Variants in PCLO observed in about 807,000 individuals in gnomAD.
PCLO encodes piccolo presynaptic cytomatrix protein.
In PCLO, 82 loss-of-function variants were observed where a neutral mutation model predicts 427.5. That is an observed-to-expected ratio of 0.19 (90% CI 0.16 to 0.23). The LOEUF is 0.23. PCLO is among the 10% of genes least tolerant of loss of function. The probability of loss-of-function intolerance (pLI) is 1.00; values close to 1 mark genes in which losing one functional copy is unlikely to be tolerated. For missense variants in PCLO, 6,239 were observed against 6,115.9 expected (o/e 1.02, Z -0.67); for synonymous variants, 2,357 against 2,155.4 (o/e 1.09, Z -2.59).
chr7:82,871,153 C>T (rs942620241), intron 10 of PCLO, among the ~76,000 whole-genome samples: 1 of 151,968 alleles, frequency 6.6e-6, no homozygotes, highest in Non-Finnish European at 1.5e-5. Context: ...GAGATACCTG[C>T]ACTCCCATGT....
At chr7:82,951,558 T>C in intron 5 of PCLO, 68 bp from the exon 6 acceptor site, 1 of 1,105,928 alleles carries the variant, frequency 9.0e-7, no homozygotes. Flanking sequence ...TTGAAAACCC[T>C]CTCATCTTGA....
intron 7 of PCLO, among the ~76,000 whole-genome samples, chr7:82,912,434 T>C (rs1426343974): frequency 6.6e-6 from 1 of 151,928 alleles, no homozygotes; most frequent in African/African-American, 2.4e-5. Flanking sequence ...CATTTAGAAG[T>C]AATCACTACA....
At chr7:83,045,690 T>C (rs952429515) in intron 3 of PCLO, among the ~76,000 whole-genome samples, 6 of 152,140 alleles carry the variant, frequency 3.9e-5, no homozygotes, top group Non-Finnish European at 7.4e-5. Flanking sequence ...CCGTAGCACA[T>C]AGGCAAATGA....
intron 3 of PCLO, among the ~76,000 whole-genome samples, chr7:83,112,046 T>G (rs6963293): frequency 0.51 from 77,920 of 151,752 alleles, 20,564 homozygotes; most frequent in African/African-American, 0.64. Flanking sequence ...TTTTTTGTTG[T>G]TTTTTGTTTT....
intron 3 of PCLO, among the ~76,000 whole-genome samples, chr7:83,127,422 T>C (rs1791464429): frequency 6.6e-6 from 1 of 152,024 alleles, no homozygotes; most frequent in Non-Finnish European, 1.5e-5. Flanking sequence ...CAAAAATCAT[T>C]AGAAGGTATG....
chr7:82,966,323 T>G lies in PCLO; in HGVS notation c.3465A>C (p.Lys1155Asn). ...SQKTAVPPQV[K>N]LVKKQEQEVK... ...CTTCTTGTTCTTGCTTTTTCACTAATTTTACTTGGGGAGGCACTGCTGTTT... is the reference window on the plus strand; with the variant it reads ...CTTCTTGTTCTTGCTTTTTCACTAAGTTTACTTGGGGAGGCACTGCTGTTT... The change falls in exon 4 of 25, where the codon AAA becomes AAC. Residue 1155 changes from lysine to asparagine, a missense_variant. Physicochemically the swap from Lys to Asn is moderately conservative, Grantham distance 94. Coordinates refer to ENST00000333891, the MANE Select transcript of PCLO (RefSeq NM_033026.6). 1 of 1,613,886 alleles carries G rather than the reference T, an allele frequency of 6.2e-7. No individual in the cohort carries two copies. Among genetic ancestry groups the G allele is most frequent in the Non-Finnish European group, 8.5e-7 (1 of 1,179,858 alleles).
chr7:83,047,685 A>G (rs567557628), intron 3 of PCLO, among the ~76,000 whole-genome samples: 1 of 152,212 alleles, frequency 6.6e-6, no homozygotes, highest in Admixed American at 6.6e-5. Context: ...TATTAAATTC[A>G]TAAACATGAT....
chr7:83,122,384 C>T (rs1350446211), intron 3 of PCLO, among the ~76,000 whole-genome samples: 1 of 150,468 alleles, frequency 6.6e-6, no homozygotes, highest in South Asian at 2.1e-4. Context: ...CTCCCAGGTT[C>T]AAGTGATTCT....
intron 20 of PCLO, 111 bp downstream of exon 20, chr7:82,822,384 G>A: frequency 6.3e-7 from 1 of 1,595,400 alleles, no homozygotes; most frequent in Non-Finnish European, 8.5e-7. Flanking sequence ...CAGAGAACAG[G>A]GTGAGCAGAG....
intron 3 of PCLO, among the ~76,000 whole-genome samples, chr7:83,022,878 G>C (rs760097126): frequency 7.2e-5 from 11 of 152,116 alleles, no homozygotes; most frequent in Non-Finnish European, 1.5e-4. Context: ...TCTTCCCTCA[G>C]AACTTTATGG....
At chr7:83,045,123 C>T (rs1766572905) in intron 3 of PCLO, among the ~76,000 whole-genome samples, 1 of 152,102 alleles carries the variant, frequency 6.6e-6, no homozygotes, top group Admixed American at 6.6e-5. Context: ...TGATGCAATT[C>T]AATTTTAATG....
Position 83,075,996 on chromosome 7 carries a change from A to T in PCLO, c.3300+58254T>A, listed in dbSNP as rs376201084. On this transcript the variant is annotated intron_variant, in intron 3 of 24. Transcript: ENST00000333891. ...GACCATTTTAAATATAATAAACCAT[A>T]ATTTTACTATAAATATTGAGAATGA... 5.3e-5 allele frequency among the ~76,000 whole-genome samples: 8 copies of T among 151,954 alleles called. No individual in the cohort carries two copies. In the East Asian group the frequency reaches 1.5e-3, roughly 29 times the overall value.
chr7:82,886,782 T>C (rs895847484), intron 9 of PCLO, among the ~76,000 whole-genome samples: 4 of 152,200 alleles, frequency 2.6e-5, no homozygotes, highest in Non-Finnish European at 5.9e-5. Context: ...GACAAAAATG[T>C]ATTTCATGGT....
chr7:83,063,474 G>C (rs7806069), intron 3 of PCLO, among the ~76,000 whole-genome samples: 23,151 of 151,938 alleles, frequency 0.15, 2,070 homozygotes, highest in African/African-American at 0.24. Context: ...TTTACTTTTA[G>C]TACAATATTC....
intron 3 of PCLO, among the ~76,000 whole-genome samples, chr7:83,072,364 CTTTT>C (rs575536715): frequency 6.6e-6 from 1 of 152,032 alleles, no homozygotes; most frequent in Non-Finnish European, 1.5e-5. Context: ...TAAAAAAGTC[CTTTT>C]TTATTTAAAA....
At chr7:83,097,798 C>T (rs147378430) in intron 3 of PCLO, among the ~76,000 whole-genome samples, 197 of 151,652 alleles carry the variant, frequency 1.3e-3, no homozygotes, top group African/African-American at 4.5e-3. Context: ...CCACAAAAGT[C>T]CGTGAGCATG....
At chr7:83,081,825 T>A (rs2116400222) in intron 3 of PCLO, among the ~76,000 whole-genome samples, 1 of 151,818 alleles carries the variant, frequency 6.6e-6, no homozygotes, top group African/African-American at 2.4e-5. Flanking sequence ...TTCTATCAAC[T>A]AGATTCAAAG....
At chr7:82,788,216 A>AATAATTATATATAATATATAATTT (rs1458909661) in intron 22 of PCLO, among the ~76,000 whole-genome samples, 6 of 147,620 alleles carry the variant, frequency 4.1e-5, no homozygotes, top group Admixed American at 2.7e-4. Context: ...ATATATAATT[A>AATAATTATATATAATATATAATTT]ATAATTATAT....
At chr7:83,104,265 A>C (rs1790801679) in intron 3 of PCLO, among the ~76,000 whole-genome samples, 1 of 152,082 alleles carries the variant, frequency 6.6e-6, no homozygotes, top group Admixed American at 6.6e-5. Context: ...TAAATTCAAA[A>C]GTCTTATTCG....
Sources: gnomAD v4.1 joint callset for allele counts (sites outside exome capture counted in the v4.1 genomes callset) on GRCh38, gnomAD v4.1.1 for gene constraint, MANE v1.5 for transcripts, NCBI Gene and HGNC (gene_info 2026-07-23, HGNC 2026-07-21) for gene names.